Variants in C4orf50 observed in about 807,000 individuals in gnomAD.
C4orf50 encodes the protein uncharacterized protein C4orf50.
Under a neutral mutation model 77.2 loss-of-function variants are expected in C4orf50, and 80 were observed. That is an observed-to-expected ratio of 1.04 (90% CI 0.87 to 1.25). The LOEUF is 1.25. Ranked by LOEUF, C4orf50 falls within the 50% of genes most tolerant of loss-of-function variation. The pLI is 0.00. For missense variants in C4orf50, 1,257 were observed against 1,152.9 expected (o/e 1.09, Z -1.31); for synonymous variants, 532 against 465.3 (o/e 1.14, Z -1.84).
At chr4:5,911,382 G>T (rs922269656) in intron 7 of C4orf50, among the ~76,000 whole-genome samples, 1 of 152,178 alleles carries the variant, frequency 6.6e-6, no homozygotes, top group East Asian at 1.9e-4. Flanking sequence ...CAACTATTGG[G>T]GAATTCGTTC....
chr4:5,917,914 G>A (rs115231197), intron 7 of C4orf50, among the ~76,000 whole-genome samples: 3,059 of 152,146 alleles, frequency 0.02, 56 homozygotes, highest in South Asian at 0.046. Context: ...GAGAGGTGGC[G>A]TGCAATTGGC....
At chr4:5,954,653 C>A (rs1464895514), downstream of C4orf50, among the ~76,000 whole-genome samples, 1 of 152,020 alleles carries the variant, frequency 6.6e-6, no homozygotes, top group Non-Finnish European at 1.5e-5. This position sits in a 1 kb window ranked among gnomAD's most constrained non-coding sequence, Gnocchi z 4.7. Flanking sequence ...TCGATTCGTT[C>A]ATTTTAAAAA....
intron 32 of C4orf50, among the ~76,000 whole-genome samples, chr4:5,965,470 A>G (rs558769367): frequency 1.3e-5 from 2 of 152,370 alleles, no homozygotes; most frequent in Admixed American, 6.5e-5. Context: ...AAGTGCAGCA[A>G]CACCTATGTG....
At position 6,013,968 on chromosome 4, in the gene C4orf50, G is replaced by A. The variant is rs371301778; in HGVS notation, c.288-2000C>T. On this transcript the variant is annotated intron_variant, in intron 23 of 33. Transcript: ENST00000531445. ...TGTTCCCTGATTAAACCAGTGACAA[G>A]TGTGGATGATACTTTTACTGTGTTT... Among the ~76,000 whole-genome samples, 10 of 151,866 alleles carry A rather than the reference G, an allele frequency of 6.6e-5. No individual in the cohort carries two copies. The East Asian group carries it at 7.7e-4, about 12-fold the overall frequency.
Position 5,905,241 on chromosome 4 carries a change from A to G in C4orf50, c.*2475-7053T>C, listed in dbSNP as rs921477274. The G allele has an allele frequency of 6.6e-6, 1 of 152,242 alleles. No individual in the cohort carries two copies. Among genetic ancestry groups the G allele is most frequent in the African/African-American group, 2.4e-5 (1 of 41,462 alleles). 9.4% of individuals were successfully genotyped at this position (152,242 alleles called of 1,614,324 possible). On this transcript the variant is annotated intron_variant, in intron 7 of 7. Transcript: ENST00000324058. The surrounding 1 kb of genome is among the most constrained non-coding windows in gnomAD (Gnocchi z 5.4). ...ATTAAATATGGGCTTCTTACAGTCA[A>G]CAGCCATCTCTTGGGTCCCCAGGTT...
chr4:5,929,595 C>T (rs1717672203), intron 7 of C4orf50, among the ~76,000 whole-genome samples: 1 of 152,198 alleles, frequency 6.6e-6, no homozygotes, highest in Non-Finnish European at 1.5e-5. Context: ...TTACAATTTA[C>T]TTCTTATAAG....
At position 5,900,599 on chromosome 4, in the gene C4orf50, C is replaced by T. The variant is rs1478644503; in HGVS notation, c.*2475-2411G>A. On this transcript the variant is annotated intron_variant, in intron 7 of 7. Transcript: ENST00000324058. The surrounding 1 kb of genome is among the most constrained non-coding windows in gnomAD (Gnocchi z 4.3). Reference sequence around the variant, plus strand: ...CCAGTAGAAAACTAATTGCATCAGACCAAGACCTAAAATTCTGAATCAGCA... The same window carrying T: ...CCAGTAGAAAACTAATTGCATCAGATCAAGACCTAAAATTCTGAATCAGCA... 1 of 152,228 alleles carries T rather than the reference C, an allele frequency of 6.6e-6. No individual in the cohort carries two copies. Among genetic ancestry groups the T allele is most frequent in the Non-Finnish European group, 1.5e-5 (1 of 68,054 alleles). 9.4% of individuals were successfully genotyped at this position (152,228 alleles called of 1,614,324 possible).
chr4:5,908,156 T>A lies in C4orf50; in HGVS notation c.*2475-9968A>T, dbSNP rs1336215777. On this transcript the variant is annotated intron_variant, in intron 7 of 7. Transcript: ENST00000324058. The surrounding 1 kb of genome is among the most constrained non-coding windows in gnomAD (Gnocchi z 5.6). ...TTCAAGGCTATGGAGAATGTTGAGA[T>A]GAATAAAACCCAGACACATGTGTCC... is the stretch of plus-strand genomic sequence containing the variant. Among the ~76,000 whole-genome samples, 1 of 152,152 alleles carries A rather than the reference T, an allele frequency of 6.6e-6. No individual in the cohort carries two copies. The highest frequency in any genetic ancestry group is 1.5e-5 in the Non-Finnish European group (1 of 68,032).
At chr4:6,004,230 T>TCC (rs1722081891) in intron 25 of C4orf50, among the ~76,000 whole-genome samples, 2 of 50,962 alleles carry the variant, frequency 3.9e-5, no homozygotes, top group African/African-American at 1.5e-4. Flanking sequence ...GATGATGTGA[T>TCC]GGTGATGATG....
chr4:5,943,121 A>G (rs1032294152), intron 7 of C4orf50, among the ~76,000 whole-genome samples: 1 of 152,224 alleles, frequency 6.6e-6, no homozygotes, highest in Non-Finnish European at 1.5e-5. Flanking sequence ...GAAAACTTCT[A>G]GCCTGAGCCA....
intron 7 of C4orf50, among the ~76,000 whole-genome samples, chr4:5,907,271 T>C (rs1577872229): frequency 6.6e-6 from 1 of 152,206 alleles, no homozygotes; most frequent in Admixed American, 6.5e-5. Flanking sequence ...GGAACAACCG[T>C]TTAAGAAGTA....
At chr4:5,987,412 CAAAAAAAAAAAA>C (rs58512584) in intron 28 of C4orf50, among the ~76,000 whole-genome samples, 1 of 33,664 alleles carries the variant, frequency 3.0e-5, no homozygotes, top group South Asian at 2.0e-3. Flanking sequence ...CTCTGTCTCA[CAAAAAAAAAAAA>C]AAAAAAAAAA....
At chr4:6,003,400 CCAGGAAGAGAT>C (rs1721925681) in intron 25 of C4orf50, among the ~76,000 whole-genome samples, 1 of 151,958 alleles carries the variant, frequency 6.6e-6, no homozygotes, top group Admixed American at 6.6e-5. Context: ...GAGCACAAGC[CCAGGAAGAGAT>C]GAGGAGGAGG....
chr4:5,941,852 C>G (rs962760200), intron 7 of C4orf50, among the ~76,000 whole-genome samples: 1 of 152,210 alleles, frequency 6.6e-6, no homozygotes, highest in African/African-American at 2.4e-5. Flanking sequence ...ACTCCTCCTC[C>G]TCTCACTTTC....
chr4:5,985,072 T>A (rs1720787851), intron 28 of C4orf50, among the ~76,000 whole-genome samples: 2 of 151,912 alleles, frequency 1.3e-5, no homozygotes, highest in East Asian at 1.9e-4. Context: ...CAGAAGACAA[T>A]GGAATGAGAT....
Position 5,989,619 on chromosome 4 carries a change from G to A in C4orf50, c.2427C>T (p.Asp809=), listed in dbSNP as rs181208682. The change falls in exon 28 of 34, where the codon GAC becomes GAT. Residue 809 remains aspartate (D), a synonymous_variant. Coordinates refer to ENST00000531445, the Ensembl canonical transcript of C4orf50. ...ACAGCTGCTGGAAACAAGCCTCCACGTCCTGTGCAAGCTCATCGATTGTGA... is the reference window on the plus strand; with the variant it reads ...ACAGCTGCTGGAAACAAGCCTCCACATCCTGTGCAAGCTCATCGATTGTGA... 1.7e-3 allele frequency: 2,615 copies of A among 1,536,090 alleles called. 9 individuals carry two copies. The highest frequency in any genetic ancestry group is 1.6e-3 in the Non-Finnish European group (1,888 of 1,146,892).
chr4:5,957,056 C>T (rs995536957), downstream of C4orf50: 1 of 152,276 alleles, frequency 6.6e-6, no homozygotes, highest in South Asian at 2.1e-4. Flanking sequence ...AAGCTTGAGC[C>T]GACCCAAAGT....
At chr4:5,915,072 G>T (rs142962160) in intron 7 of C4orf50, among the ~76,000 whole-genome samples, 1 of 152,288 alleles carries the variant, frequency 6.6e-6, no homozygotes, top group East Asian at 1.9e-4. Context: ...CACCGCAAAT[G>T]TCTCTGCCCT....
At chr4:5,909,488 TTGC>T (rs1716701445) in intron 7 of C4orf50, among the ~76,000 whole-genome samples, 1 of 152,240 alleles carries the variant, frequency 6.6e-6, no homozygotes, top group South Asian at 2.1e-4. Context: ...ATTGTTTCCT[TTGC>T]TGTGCAGGAA....
Sources: gnomAD v4.1 joint callset for allele counts (sites outside exome capture counted in the v4.1 genomes callset) on GRCh38, gnomAD v4.1.1 for gene constraint, Gnocchi (gnomAD v3.1) non-coding constraint, MANE v1.5 for transcripts, NCBI Gene and HGNC (gene_info 2026-07-23, HGNC 2026-07-21) for gene names.